Variants in DMD observed in about 807,000 individuals in gnomAD.
DMD encodes the protein mutant dystrophin.
In DMD, 63 loss-of-function variants were observed where a neutral mutation model predicts 330.1. The ratio of observed to expected loss-of-function variants is 0.19; its 90% CI spans 0.16 to 0.24. The LOEUF is 0.24. Ranked by LOEUF, DMD falls within the 10% of genes least tolerant of loss-of-function variation. The pLI is 1.00. For missense variants in DMD, 3,344 were observed against 2,684.1 expected, an observed-to-expected ratio of 1.25 and a Z score of -5.43; for synonymous variants, 1,223 against 959.8, an observed-to-expected ratio of 1.27 and a Z score of -5.07.
rs534016894 is a variant in DMD, at chrX:32,233,567, C to T, written c.6291-16504G>A. Among the ~76,000 whole-genome samples the T allele has an allele frequency of 3.1e-4, 34 of 110,324 alleles. 1 individual carries two copies. The South Asian group carries it at 0.012, about 40-fold the overall frequency. On this transcript the variant is annotated intron_variant, in intron 43 of 78. Coordinates refer to ENST00000357033, the MANE Select transcript of DMD (RefSeq NM_004006.3). The stretch of plus-strand genomic sequence containing the variant: ...GGAGGGGGAGAATATATAGAGCATT[C>T]CCAATCCACTTCCTGGTACAATTTC...
chrX:32,661,473 A>G (rs1474759389), intron 9 of DMD, among the ~76,000 whole-genome samples: 4 of 111,864 alleles, frequency 3.6e-5, no homozygotes, highest in African/African-American at 1.3e-4. Context: ...TGAATTCAGT[A>G]TCTGTCTCAC....
chrX:31,435,102 T>C (rs1423597765), intron 60 of DMD, among the ~76,000 whole-genome samples: 1 of 111,247 alleles, frequency 9.0e-6, no homozygotes, highest in Non-Finnish European at 1.9e-5. Context: ...GCAAGTCACT[T>C]AACCCTTGGG....
intron 2 of DMD, among the ~76,000 whole-genome samples, chrX:33,001,937 A>G (rs1055046922): frequency 1.8e-5 from 2 of 111,627 alleles, no homozygotes; most frequent in Non-Finnish European, 3.8e-5. Context: ...ATAGGCATCA[A>G]CATTATACTT....
intron 19 of DMD, among the ~76,000 whole-genome samples, chrX:32,499,217 G>T (rs964190686): frequency 1.4e-4 from 16 of 111,764 alleles, no homozygotes; most frequent in African/African-American, 5.2e-4. Flanking sequence ...ATTATTTTAA[G>T]TAGAAAATTC....
chrX:32,780,086 C>A (rs2074563973), intron 7 of DMD, among the ~76,000 whole-genome samples: 1 of 111,582 alleles, frequency 9.0e-6, no homozygotes, highest in Non-Finnish European at 1.9e-5. Context: ...ACACACTTAC[C>A]CGATATGTAG....
chrX:32,104,237 A>C (rs1264486041), intron 44 of DMD, among the ~76,000 whole-genome samples: 3 of 112,436 alleles, frequency 2.7e-5, no homozygotes, highest in Non-Finnish European at 5.6e-5. Flanking sequence ...GGGAGGTAAT[A>C]CATAATCCTT....
chrX:31,169,290 AAAGAG>A (rs1216980797), intron 74 of DMD, among the ~76,000 whole-genome samples, 148 bp downstream of exon 74: 4 of 111,437 alleles, frequency 3.6e-5, no homozygotes, highest in African/African-American at 1.3e-4. Flanking sequence ...CAAAAAAAAA[AAAGAG>A]AGAGAGAATC....
At chrX:32,115,410 G>A (rs750547687) in intron 44 of DMD, among the ~76,000 whole-genome samples, 22 of 110,485 alleles carry the variant, frequency 2.0e-4, no homozygotes, top group South Asian at 3.9e-4. Flanking sequence ...TAATTTTTGC[G>A]CGCGTGTGTG....
At chrX:32,507,323 A>T (rs768817182) in intron 18 of DMD, among the ~76,000 whole-genome samples, 10 of 111,885 alleles carry the variant, frequency 8.9e-5, no homozygotes, top group Non-Finnish European at 1.3e-4. Context: ...TTTTATCTAC[A>T]TTGAGCTTTT....
At chrX:32,926,984 G>T (rs777529066) in intron 2 of DMD, among the ~76,000 whole-genome samples, 13 of 110,825 alleles carry the variant, frequency 1.2e-4, no homozygotes, top group African/African-American at 4.3e-4. Context: ...ATCTAAACAT[G>T]GCATCATCTG....
Position 31,994,441 on chromosome X carries a change from C to T in DMD, c.6439-25927G>A, listed in dbSNP as rs146686234. Among the ~76,000 whole-genome samples the T allele has an allele frequency of 8.2e-3, 919 of 112,057 alleles. 10 individuals carry two copies. Among genetic ancestry groups the T allele is most frequent in the African/African-American group, 0.029 (885 of 30,862 alleles). On this transcript the variant is annotated intron_variant, in intron 44 of 78. Coordinates refer to ENST00000357033, the MANE Select transcript of DMD (RefSeq NM_004006.3). Reference sequence around the variant, plus strand: ...CCCGCTAAATATTTTACTTCCGCCACTGAAACCCTCTAACACCAATGAAAT... The same window carrying T: ...CCCGCTAAATATTTTACTTCCGCCATTGAAACCCTCTAACACCAATGAAAT...
At chrX:32,486,399 T>C (rs1426661388) in intron 20 of DMD, among the ~76,000 whole-genome samples, 2 of 112,059 alleles carry the variant, frequency 1.8e-5, no homozygotes, top group Non-Finnish European at 3.8e-5. Context: ...TTTCCTAATA[T>C]AGTTTCTAGA....
At chrX:31,421,965 A>G (rs868043655) in intron 60 of DMD, among the ~76,000 whole-genome samples, 1,595 of 71,715 alleles carry the variant, frequency 0.022, 84 homozygotes, top group African/African-American at 0.12. Context: ...ATATACACAT[A>G]TATATATACA....
chrX:32,002,609 A>C (rs778820300), intron 44 of DMD, among the ~76,000 whole-genome samples: 2 of 111,133 alleles, frequency 1.8e-5, no homozygotes, highest in African/African-American at 6.5e-5. Flanking sequence ...CTGGGGTCTT[A>C]GTTTTTTTTT....
chrX:32,921,176 G>A (rs906313732), intron 2 of DMD, among the ~76,000 whole-genome samples: 2 of 111,712 alleles, frequency 1.8e-5, no homozygotes, highest in African/African-American at 6.5e-5. Flanking sequence ...CAAACAATTA[G>A]CTATAGTGAT....
chrX:31,391,622 C>T (rs2148792280), intron 60 of DMD, among the ~76,000 whole-genome samples: 1 of 110,159 alleles, frequency 9.1e-6, no homozygotes, highest in Non-Finnish European at 1.9e-5. Flanking sequence ...CCTGTAATCC[C>T]AGCACTTTGG....
intron 41 of DMD, among the ~76,000 whole-genome samples, chrX:32,338,011 T>G (rs1260878159): frequency 9.0e-6 from 1 of 111,662 alleles, no homozygotes; most frequent in Non-Finnish European, 1.9e-5. Context: ...AAATTCTTAG[T>G]TTTTGTTCAG....
rs919678534 is a variant in DMD at position 32,398,298 on chromosome X, T to A, written c.4234-8117A>T. ...CCAAGTAGAGTTACTTAGAAAAATA[T>A]TACCTTTAAATTAAATTTTGTCAGC... On this transcript the variant is annotated intron_variant, in intron 30 of 78. Coordinates refer to ENST00000357033, the MANE Select transcript of DMD (RefSeq NM_004006.3). Among the ~76,000 whole-genome samples, 4 of 99,189 alleles carry A rather than the reference T, an allele frequency of 4.0e-5. No homozygotes were observed. The East Asian group carries it at 1.6e-3, about 40-fold the overall frequency. 86.1% of individuals were successfully genotyped at this position (99,189 alleles called of 115,157 possible).
chrX:33,273,487 G>A (rs1324033441), intron 1 of DMD, among the ~76,000 whole-genome samples: 2 of 112,021 alleles, frequency 1.8e-5, no homozygotes, highest in African/African-American at 6.5e-5. Flanking sequence ...AGGTCATACA[G>A]ACCTTGCAAA....
Sources: gnomAD v4.1 joint callset for allele counts (sites outside exome capture counted in the v4.1 genomes callset) on GRCh38, gnomAD v4.1.1 for gene constraint, MANE v1.5 for transcripts, NCBI Gene and HGNC (gene_info 2026-07-23, HGNC 2026-07-21) for gene names.